ETV1: variants seen among roughly 807,000 people sequenced by gnomAD.
ETV1 encodes ETS variant transcription factor 1, also known as ETS translocation variant 1.
Under a neutral mutation model 62.3 loss-of-function variants are expected in ETV1, and 27 were observed. The observed-to-expected ratio is 0.43, with a 90% CI of 0.32 to 0.60. The LOEUF is 0.60. ETV1 is among the 20% of genes least tolerant of loss of function. ETV1 has a pLI of 0.06. For synonymous variants in ETV1, 222 were observed against 199.6 expected, an observed-to-expected ratio of 1.11 and a Z score of -0.94; for missense variants, 605 against 605.8, an observed-to-expected ratio of 1.00 and a Z score of 0.01.
intron 9 of ETV1, among the ~76,000 whole-genome samples, chr7:13,929,406 T>TACC: frequency 6.6e-6 from 1 of 152,326 alleles, no homozygotes; most frequent in Non-Finnish European, 1.5e-5. Flanking sequence ...TGCAACTGTA[T>TACC]ACCATAACAA....
chr7:13,931,744 C>T lies in ETV1; in HGVS notation c.560G>A (p.Arg187His), dbSNP rs779937870. The change falls in exon 9 of 14, where the codon CGC (arginine) becomes CAC (histidine). Residue 187 changes from arginine to histidine, a missense_variant. Arg to His is a conservative substitution (Grantham distance 29, BLOSUM62 0). Around this residue, in one of 3 missense-constraint regions of ETV1, gnomAD observed 426 missense variants for 377.8 expected, o/e 1.13. Coordinates refer to ENST00000430479, the MANE Select transcript of ETV1 (RefSeq NM_004956.5). ...DSSYPMDHRFRRQLSEPCNSF... is the reference protein window; with the variant it reads ...DSSYPMDHRFHRQLSEPCNSF... Reference sequence around the variant, plus strand: ...GTTACAGGGTTCAGAAAGCTGGCGGCGAAATCTAGGGAATAAGAGAGTGTG... The same window carrying T: ...GTTACAGGGTTCAGAAAGCTGGCGGTGAAATCTAGGGAATAAGAGAGTGTG... The T allele has an allele frequency of 9.9e-6, 16 of 1,613,650 alleles. No homozygotes were observed. Among genetic ancestry groups the T allele is most frequent in the South Asian group, 6.6e-5 (6 of 91,068 alleles).
intron 13 of ETV1, among the ~76,000 whole-genome samples, chr7:13,898,799 C>G (rs1268933338): frequency 6.6e-6 from 1 of 152,112 alleles, no homozygotes; most frequent in Non-Finnish European, 1.5e-5. Context: ...CTCTGAATGA[C>G]TATACTAGAA....
At chr7:13,989,953 C>A, upstream of ETV1, 1 of 199,630 alleles carries the variant, frequency 5.0e-6, no homozygotes, top group Non-Finnish European at 1.0e-5. Context: ...ATACTGAAAC[C>A]GTGTGTTTCG....
intron 6 of ETV1, among the ~76,000 whole-genome samples, chr7:13,953,357 C>T (rs74491075): frequency 0.038 from 5,824 of 152,144 alleles, 284 homozygotes; most frequent in African/African-American, 0.12. Context: ...AGAAATTGTC[C>T]CACTTTGCTG....
intron 6 of ETV1, among the ~76,000 whole-genome samples, chr7:13,941,487 A>T (rs1319829573): frequency 1.3e-5 from 2 of 152,228 alleles, no homozygotes; most frequent in Non-Finnish European, 2.9e-5. Context: ...GGAGGGAATT[A>T]ACATTATTCT....
chr7:13,954,166 A>C (rs1226328026), intron 6 of ETV1, among the ~76,000 whole-genome samples: 1 of 152,236 alleles, frequency 6.6e-6, no homozygotes, highest in Non-Finnish European at 1.5e-5. Flanking sequence ...GTAGTCCAAT[A>C]AATGTATTAA....
At chr7:13,953,981 A>G in intron 6 of ETV1, among the ~76,000 whole-genome samples, 1 of 152,182 alleles carries the variant, frequency 6.6e-6, no homozygotes, top group East Asian at 1.9e-4. Flanking sequence ...CAGGAGCTCC[A>G]CCTTAAGATT....
intron 6 of ETV1, among the ~76,000 whole-genome samples, chr7:13,940,412 T>G (rs1787355257): frequency 6.6e-6 from 1 of 152,002 alleles, no homozygotes; most frequent in African/African-American, 2.4e-5. Context: ...TATATATTTT[T>G]TATTCTTCGA....
chr7:13,900,876 T>C, intron 12 of ETV1, 37 bp from the exon 13 acceptor site: 1 of 1,331,312 alleles, frequency 7.5e-7, no homozygotes, highest in Non-Finnish European at 1.1e-6. Context: ...GTGTTAAGTA[T>C]TAACTTATCA....
chr7:13,907,877 T>G (rs181266069), intron 11 of ETV1: 1 of 469,470 alleles, frequency 2.1e-6, no homozygotes, highest in Admixed American at 2.4e-5. Context: ...ATATAAAATG[T>G]GTGAGTCAAT....
At chr7:13,906,813 A>T (rs1783017729) in intron 11 of ETV1, among the ~76,000 whole-genome samples, 1 of 152,214 alleles carries the variant, frequency 6.6e-6, no homozygotes, top group South Asian at 2.1e-4. Context: ...AACTATATAT[A>T]ACACAGGTGC....
chr7:13,936,811 T>C (rs1401305198), intron 7 of ETV1, among the ~76,000 whole-genome samples: 1 of 151,614 alleles, frequency 6.6e-6, no homozygotes, highest in Admixed American at 6.6e-5. Context: ...GAGGCTGAGG[T>C]GGGAGGATCG....
chr7:13,894,914 A>G lies in ETV1; in HGVS notation c.*952T>C, dbSNP rs1781634966. The G allele has an allele frequency of 4.3e-6, 1 of 232,824 alleles. No homozygotes were observed. Among genetic ancestry groups the G allele is most frequent in the Non-Finnish European group, 8.5e-6 (1 of 117,712 alleles). 14.4% of individuals were successfully genotyped at this position (232,824 alleles called of 1,614,324 possible). ...CTTAAAGAGTGTTTGCTGTAACTAG[A>G]ACAGCATAATACATGATTTAGTACA... On this transcript the variant is annotated 3_prime_UTR_variant, in exon 14 of 14. Transcript: ENST00000430479.
chr7:13,930,557 G>T (rs1004707748), intron 9 of ETV1, among the ~76,000 whole-genome samples: 1 of 151,710 alleles, frequency 6.6e-6, no homozygotes, highest in Admixed American at 6.6e-5. Flanking sequence ...TCCTGACCTC[G>T]TAATCCGCCC....
chr7:13,979,672 C>A (rs1781794740), intron 5 of ETV1, among the ~76,000 whole-genome samples: 1 of 151,996 alleles, frequency 6.6e-6, no homozygotes, highest in Admixed American at 6.6e-5. Context: ...TATTGAGATG[C>A]AAATATATCA....
In ETV1 at chr7:13,894,918, G is replaced by A. The variant is rs1781635166; in HGVS notation, c.*948C>T. ...AAGAGTGTTTGCTGTAACTAGAACAGCATAATACATGATTTAGTACAGTTA... is the reference window on the plus strand; with the variant it reads ...AAGAGTGTTTGCTGTAACTAGAACAACATAATACATGATTTAGTACAGTTA... On this transcript the variant is annotated 3_prime_UTR_variant, in exon 14 of 14. Transcript: ENST00000430479. 1 of 232,610 alleles carries A rather than the reference G, an allele frequency of 4.3e-6. No homozygotes were observed. The highest frequency in any genetic ancestry group is 2.2e-5 in the African/African-American group (1 of 45,292). The allele number at this position is 232,610 out of a possible 1,614,324, so 14.4% of individuals were successfully genotyped here.
Position 13,911,230 on chromosome 7 carries a change from A to G in ETV1, c.871+9T>C. The G allele has an allele frequency of 6.2e-7, 1 of 1,606,146 alleles. No individual in the cohort carries two copies. Among genetic ancestry groups the G allele is most frequent in the Non-Finnish European group, 8.5e-7 (1 of 1,172,992 alleles). On this transcript the variant is annotated intron_variant, in intron 10 of 13. Coordinates refer to ENST00000430479, the MANE Select transcript of ETV1 (RefSeq NM_004956.5). ...TATTTACACGGAATTTCAGTGGTGG[A>G]CAACTTAACTTCTGTTCTGCTGGGA...
chr7:13,933,504 G>C (rs930820644), intron 8 of ETV1, among the ~76,000 whole-genome samples: 3 of 152,306 alleles, frequency 2.0e-5, no homozygotes, highest in Admixed American at 2.0e-4. Flanking sequence ...TCAGGAAAAA[G>C]TGCCAAAGGG....
At chr7:13,984,801 T>A (rs1314156722) in intron 5 of ETV1, among the ~76,000 whole-genome samples, 2 of 152,056 alleles carry the variant, frequency 1.3e-5, no homozygotes, top group Non-Finnish European at 2.9e-5. Context: ...ATCTTCAGGT[T>A]TGATTTACAG....
Sources: gnomAD v4.1 joint callset for allele counts (sites outside exome capture counted in the v4.1 genomes callset) on GRCh38, gnomAD v4.1.1 for gene constraint, gnomAD v4.1.1 regional missense constraint, MANE v1.5 for transcripts, NCBI Gene and HGNC (gene_info 2026-07-23, HGNC 2026-07-21) for gene names.